HADHB: variants seen among roughly 807,000 people sequenced by gnomAD.
HADHB encodes the protein hydroxyacyl-CoA dehydrogenase trifunctional multienzyme complex subunit beta, also known as trifunctional enzyme subunit beta, mitochondrial.
Under a neutral mutation model 61.9 loss-of-function variants are expected in HADHB, and 50 were observed. That is an observed-to-expected ratio of 0.81 (90% CI 0.64 to 1.02). The LOEUF is 1.02. Ranked by LOEUF, HADHB falls within the 50% of genes least tolerant of loss-of-function variation. HADHB has a pLI of 0.00. For synonymous variants in HADHB, 191 were observed against 201.6 expected (o/e 0.95, Z 0.45); for missense variants, 504 against 586.5 (o/e 0.86, Z 1.45).
In HADHB at chr2:26,259,706, T is replaced by TA. The variant is rs539339004; in HGVS notation, c.110-3672dup. Among the ~76,000 whole-genome samples, 30 of 152,348 alleles carry TA rather than the reference T, an allele frequency of 2.0e-4. 1 individual carries two copies. In the South Asian group the frequency reaches 5.8e-3, roughly 29 times the overall value. On this transcript the variant is annotated intron_variant, in intron 3 of 15. Transcript: ENST00000317799. ...TTGTAGAGTTAGTTTAATTACTTTA[T>TA]AATATGCTAAATTATTTGGAATGGC...
At chr2:26,272,346 C>CT (rs11340590) in intron 5 of HADHB, among the ~76,000 whole-genome samples, 3,464 of 136,014 alleles carry the variant, frequency 0.025, 120 homozygotes, top group African/African-American at 0.079. Flanking sequence ...TCCCATTTGT[C>CT]TTTTTTTTTT....
At chr2:26,269,149 TA>T (rs35675939) in intron 4 of HADHB, among the ~76,000 whole-genome samples, 259 of 132,074 alleles carry the variant, frequency 2.0e-3, no homozygotes, top group Admixed American at 2.8e-3. Context: ...ACCTCCGTCT[TA>T]AAAAAAAAAA....
intron 1 of HADHB, among the ~76,000 whole-genome samples, chr2:26,248,795 G>T (rs1225824334): frequency 6.6e-6 from 1 of 152,206 alleles, no homozygotes; most frequent in African/African-American, 2.4e-5. Flanking sequence ...AGTGGCTCAT[G>T]CCTGTAATCC....
At chr2:26,272,541 G>T (rs993994940) in intron 5 of HADHB, among the ~76,000 whole-genome samples, 1 of 151,610 alleles carries the variant, frequency 6.6e-6, no homozygotes, top group South Asian at 2.1e-4. Context: ...TAGAGACGGG[G>T]TTTTGCTGTG....
intron 5 of HADHB, among the ~76,000 whole-genome samples, chr2:26,273,323 T>C (rs188294263): frequency 2.6e-4 from 39 of 152,300 alleles, no homozygotes; most frequent in Non-Finnish European, 5.6e-4. Context: ...TATTTGTCTC[T>C]CTTTTTCACT....
chr2:26,254,150 A>G (rs1002447622), intron 1 of HADHB, 97 bp from the exon 2 acceptor site: 60 of 736,806 alleles, frequency 8.1e-5, no homozygotes, highest in Middle Eastern at 3.8e-4. Context: ...AATGTTTTCT[A>G]GTAGCCATGG....
chr2:26,284,109 C>T lies in HADHB; in HGVS notation c.1062-8C>T. The T allele has an allele frequency of 6.6e-7, 1 of 1,513,176 alleles. No individual in the cohort carries two copies. Among genetic ancestry groups the T allele is most frequent in the Non-Finnish European group, 9.2e-7 (1 of 1,088,490 alleles). The allele number at this position is 1,513,176 out of a possible 1,614,324, so 93.7% of individuals were successfully genotyped here. A position where few individuals can be genotyped will look rare whatever the true frequency, so the allele number is the denominator to read the frequency against. ...AGTTTTAAGATATTACTTATTTTTTCTTTGCAGACCAACATATGCTACTCC... is the reference window on the plus strand; with the variant it reads ...AGTTTTAAGATATTACTTATTTTTTTTTTGCAGACCAACATATGCTACTCC... On this transcript the variant is annotated splice_region_variant and splice_polypyrimidine_tract_variant and intron_variant, in intron 12 of 15. Coordinates refer to ENST00000317799, the MANE Select transcript of HADHB (RefSeq NM_000183.3).
chr2:26,276,308 G>A (rs139051539), intron 6 of HADHB, among the ~76,000 whole-genome samples: 16 of 152,248 alleles, frequency 1.1e-4, no homozygotes, highest in African/African-American at 3.9e-4. Flanking sequence ...TTTGTATCAC[G>A]TATTATGCCA....
At chr2:26,277,656 T>C (rs961731977) in intron 7 of HADHB, among the ~76,000 whole-genome samples, 1 of 152,224 alleles carries the variant, frequency 6.6e-6, no homozygotes, top group African/African-American at 2.4e-5. Context: ...TTTTTTGCTC[T>C]CCATACCTGA....
chr2:26,252,342 G>A (rs1671431760), intron 1 of HADHB, among the ~76,000 whole-genome samples: 1 of 152,216 alleles, frequency 6.6e-6, no homozygotes, highest in Non-Finnish European at 1.5e-5. Context: ...CAAAGTCTTT[G>A]TTGGTAAATC....
At chr2:26,254,710 C>A in intron 3 of HADHB, 2 of 492,762 alleles carry the variant, frequency 4.1e-6, no homozygotes, top group Non-Finnish European at 7.3e-6. Flanking sequence ...GGGATTTGAA[C>A]CTGCTGGAGT....
At position 26,278,610 on chromosome 2, in the gene HADHB, G is replaced by A. The variant is rs756770407; in HGVS notation, c.443-4G>A. On this transcript the variant is annotated splice_region_variant and splice_polypyrimidine_tract_variant and intron_variant, in intron 7 of 15. Transcript: ENST00000317799. ...ATTCATGAAGTATAACCTGTGCCCT[G>A]TAGGTGTTGGCTTGATTGCTTCTGG... is the stretch of plus-strand genomic sequence containing the variant. 28 of 1,612,030 alleles carry A rather than the reference G, an allele frequency of 1.7e-5. No homozygotes were observed.
intron 1 of HADHB, chr2:26,245,589 G>A (rs1168710679): frequency 6.6e-6 from 1 of 152,068 alleles, no homozygotes; most frequent in African/African-American, 2.4e-5. Context: ...CACTTAAGCG[G>A]TGAAGAAACT....
At chr2:26,251,822 G>C (rs1290706037) in intron 1 of HADHB, among the ~76,000 whole-genome samples, 1 of 152,220 alleles carries the variant, frequency 6.6e-6, no homozygotes, top group African/African-American at 2.4e-5. Flanking sequence ...CCCAAGAGAA[G>C]TTAAACCTTA....
At chr2:26,280,960 T>C (rs1177641318) in intron 10 of HADHB, among the ~76,000 whole-genome samples, 1 of 150,080 alleles carries the variant, frequency 6.7e-6, no homozygotes, top group Non-Finnish European at 1.5e-5. Flanking sequence ...AAAAGTTAGG[T>C]TGGAGCATAA....
intron 1 of HADHB, among the ~76,000 whole-genome samples, chr2:26,248,208 T>G (rs1671238905): frequency 6.6e-6 from 1 of 152,246 alleles, no homozygotes; most frequent in Admixed American, 6.5e-5. Context: ...CATTTTTCCA[T>G]GTCAGTATAT....
chr2:26,287,227 C>A (rs189419201), intron 15 of HADHB, among the ~76,000 whole-genome samples: 282 of 152,222 alleles, frequency 1.9e-3, no homozygotes, highest in Non-Finnish European at 3.3e-3. Flanking sequence ...TGAAATAAAT[C>A]TTACGTTTAA....
intron 15 of HADHB, 120 bp from the exon 16 acceptor site, chr2:26,289,798 G>T: frequency 1.3e-6 from 1 of 789,730 alleles, no homozygotes; most frequent in South Asian, 1.3e-5. Flanking sequence ...CACAGTGATT[G>T]ATTGGCAGAG....
intron 4 of HADHB, among the ~76,000 whole-genome samples, chr2:26,263,869 C>T (rs1671959939): frequency 6.6e-6 from 1 of 152,176 alleles, no homozygotes; most frequent in African/African-American, 2.4e-5. Context: ...ACTGGTTTGG[C>T]CTCCTGGAAA....
Sources: gnomAD v4.1 joint callset for allele counts (sites outside exome capture counted in the v4.1 genomes callset) on GRCh38, gnomAD v4.1.1 for gene constraint, MANE v1.5 for transcripts, NCBI Gene and HGNC (gene_info 2026-07-23, HGNC 2026-07-21) for gene names.